COL4A4: variants seen among roughly 807,000 people sequenced by gnomAD.
The protein encoded by COL4A4 is collagen type IV alpha 4 chain, also known as collagen alpha-4(IV) chain.
In COL4A4, 105 loss-of-function variants were observed where a neutral mutation model predicts 192.9. The observed-to-expected ratio is 0.54, with a 90% confidence interval of 0.46 to 0.64. The LOEUF is 0.64. Ranked by LOEUF, COL4A4 falls within the 30% of genes least tolerant of loss-of-function variation. COL4A4 has a pLI of 0.00. For synonymous variants in COL4A4, 762 were observed against 769.9 expected, an observed-to-expected ratio of 0.99 and a Z score of 0.17; for missense variants, 1,967 against 2,169.3, an observed-to-expected ratio of 0.91 and a Z score of 1.85.
At chr2:227,034,775 T>C (rs1408879764) in intron 37 of COL4A4, among the ~76,000 whole-genome samples, 2 of 133,308 alleles carry the variant, frequency 1.5e-5, no homozygotes, top group African/African-American at 5.6e-5. Context: ...GTCCATGTGT[T>C]CTCATTGTTC....
chr2:226,974,245 A>ATTTTATTTTG, the COL4A4 span, among the ~76,000 whole-genome samples: 1 of 151,146 alleles, frequency 6.6e-6, no homozygotes, highest in African/African-American at 2.4e-5. Context: ...ATTTTATTTT[A>ATTTTATTTTG]TTTTATTTTT....
intron 4 of COL4A4, among the ~76,000 whole-genome samples, chr2:227,125,238 C>T (rs933391779): frequency 5.3e-5 from 8 of 151,634 alleles, no homozygotes; most frequent in Middle Eastern, 3.4e-3. Flanking sequence ...GATGGAGTCT[C>T]GCTCTTTCTC....
chr2:227,078,824 C>T (rs1047629191), intron 24 of COL4A4, among the ~76,000 whole-genome samples: 3 of 152,204 alleles, frequency 2.0e-5, no homozygotes, highest in African/African-American at 7.2e-5. Flanking sequence ...TCTCCTCTTG[C>T]ATGACAATTT....
intron 28 of COL4A4, among the ~76,000 whole-genome samples, chr2:227,058,195 T>C (rs1052879143): frequency 5.9e-5 from 9 of 152,220 alleles, no homozygotes; most frequent in African/African-American, 2.2e-4. Flanking sequence ...GTTTTCCAGT[T>C]TGTTGCAGTC....
intron 26 of COL4A4, among the ~76,000 whole-genome samples, chr2:227,062,278 G>A (rs1430573461): frequency 3.3e-5 from 5 of 151,616 alleles, no homozygotes; most frequent in Non-Finnish European, 5.9e-5. Flanking sequence ...CATTTTAACT[G>A]ATATGTGAGC....
In COL4A4 at chr2:227,004,915, A is replaced by G. The variant is rs1961763714; in HGVS notation, c.*2410T>C. Reference sequence around the variant, plus strand: ...ATCATCTCCAATAATGGGTTAGGAGAACAACTTAAAAGCTTTGTTCATCAC... The same window carrying G: ...ATCATCTCCAATAATGGGTTAGGAGGACAACTTAAAAGCTTTGTTCATCAC... On this transcript the variant is annotated 3_prime_UTR_variant, in exon 48 of 48. Transcript: ENST00000396625. The G allele has an allele frequency of 6.6e-6, 1 of 152,018 alleles. No individual in the cohort carries two copies. Among genetic ancestry groups the G allele is most frequent in the Non-Finnish European group, 1.5e-5 (1 of 68,050 alleles). The allele number at this position is 152,018 out of a possible 1,614,324, so 9.4% of individuals were successfully genotyped here. A position where few individuals can be genotyped will look rare whatever the true frequency, so the allele number is the denominator to read the frequency against.
In COL4A4 at chr2:227,050,441, T is replaced by C. The variant is rs73076283; in HGVS notation, c.3151-310A>G. Among the ~76,000 whole-genome samples, 3,701 of 152,332 alleles carry C rather than the reference T, an allele frequency of 0.024. 130 individuals are homozygous for C. Among genetic ancestry groups the C allele is most frequent in the African/African-American group, 0.084 (3,482 of 41,556 alleles). Reference sequence around the variant, plus strand: ...ATAAACAAGTTGATACTAAATAAAATAGTATTATAAATCACAGCATATGAA... The same window carrying C: ...ATAAACAAGTTGATACTAAATAAAACAGTATTATAAATCACAGCATATGAA... On this transcript the variant is annotated intron_variant, in intron 33 of 47. Coordinates refer to ENST00000396625, the MANE Select transcript of COL4A4 (RefSeq NM_000092.5).
chr2:227,099,737 C>T (rs766937216), intron 17 of COL4A4, 48 bp from the exon 18 acceptor site: 29 of 1,529,984 alleles, frequency 1.9e-5, no homozygotes, highest in South Asian at 5.7e-5. Flanking sequence ...TAATTTTACT[C>T]ATGTTGCCTG....
At chr2:227,001,793 CA>C (rs1961021243), downstream of COL4A4, among the ~76,000 whole-genome samples, 1 of 151,136 alleles carries the variant, frequency 6.6e-6, no homozygotes. Flanking sequence ...AGTAGACGGT[CA>C]GGGAATGTTT....
At position 227,135,643 on chromosome 2, in the gene COL4A4, AT is replaced by A. The variant is rs34094564; in HGVS notation, c.192+4517del. Among the ~76,000 whole-genome samples the A allele has an allele frequency of 1.1e-3, 169 of 148,054 alleles. 2 individuals are homozygous for A. In the South Asian group the frequency reaches 0.013, roughly 12 times the overall value. ...CCAAATCCTGTCCAGGCTGGAATCT[AT>A]TTTTTTTTTTCTTTTGAGACAGAGT... On this transcript the variant is annotated intron_variant, in intron 4 of 47. Transcript: ENST00000396625.
Position 227,080,433 on chromosome 2 carries a change from T to G in COL4A4, c.1803+10A>C. 1 of 1,606,892 alleles carries G rather than the reference T, an allele frequency of 6.2e-7. No homozygotes were observed. The highest frequency in any genetic ancestry group is 8.5e-7 in the Non-Finnish European group (1 of 1,173,428). ...GTGAAATTCTATAGCAAGAGAAGAA[T>G]TCTACATACTGGAGGTCCTGGATCC... On this transcript the variant is annotated intron_variant, in intron 24 of 47. Transcript: ENST00000396625.
chr2:227,107,065 G>A (rs1381411439), intron 12 of COL4A4, among the ~76,000 whole-genome samples: 4 of 152,154 alleles, frequency 2.6e-5, no homozygotes, highest in East Asian at 1.9e-4. Context: ...AATGGCACAC[G>A]GGCTCCTGTG....
At chr2:227,094,466 G>T (rs1257178817) in intron 19 of COL4A4, among the ~76,000 whole-genome samples, 177 bp from the exon 20 acceptor site, 2 of 152,138 alleles carry the variant, frequency 1.3e-5, no homozygotes, top group Non-Finnish European at 1.5e-5. Context: ...AATACTGCAT[G>T]ATCTCACTTA....
chr2:227,083,866 T>TG (rs2059447126), intron 22 of COL4A4, among the ~76,000 whole-genome samples: 1 of 152,136 alleles, frequency 6.6e-6, no homozygotes, highest in South Asian at 2.1e-4. Flanking sequence ...CCAGTGGAGA[T>TG]GGGCACAGTG....
Position 227,051,026 on chromosome 2 carries a change from G to A in COL4A4, c.3101C>T (p.Ser1034Leu). Residue 1034 changes from serine (S) to leucine (L), a missense_variant, in exon 33 of 48, where the codon TCA becomes TTA. Coordinates refer to ENST00000396625, the MANE Select transcript of COL4A4 (RefSeq NM_000092.5). ...GPPGPPGPPG[S>L]TGLRGFIGFP... Reference sequence around the variant, plus strand: ...ACCAATGAACCCTCTTAGACCAGTTGAGCCTGGAGGGCCTGGGGGTCCAGG... The same window carrying A: ...ACCAATGAACCCTCTTAGACCAGTTAAGCCTGGAGGGCCTGGGGGTCCAGG... The A allele has an allele frequency of 1.2e-6, 2 of 1,614,212 alleles. No individual in the cohort carries two copies. Among genetic ancestry groups the A allele is most frequent in the Non-Finnish European group, 1.7e-6 (2 of 1,180,034 alleles).
rs1575717287 is a variant in COL4A4, at chr2:227,010,600, G to T, written c.4334-99C>A. On this transcript the variant is annotated intron_variant, in intron 45 of 47. Coordinates refer to ENST00000396625, the MANE Select transcript of COL4A4 (RefSeq NM_000092.5). ...TCTGGCACTGTGCTAAGCACTCAGG[G>T]AGCAGAGGGGAGCATGACTCAGCCC... 6 of 942,406 alleles carry T rather than the reference G, an allele frequency of 6.4e-6. No homozygotes were observed. In the East Asian group the frequency reaches 1.3e-4, roughly 21 times the overall value. The allele number at this position is 942,406 out of a possible 1,614,324, so 58.4% of individuals were successfully genotyped here.
chr2:226,992,756 G>T, the COL4A4 span, among the ~76,000 whole-genome samples: 1 of 152,206 alleles, frequency 6.6e-6, no homozygotes, highest in South Asian at 2.1e-4. Flanking sequence ...GGCGGGAATG[G>T]TGAGAGGTGC....
At chr2:227,011,831 C>G (rs148284042) in intron 45 of COL4A4, among the ~76,000 whole-genome samples, 1 of 152,288 alleles carries the variant, frequency 6.6e-6, no homozygotes, top group East Asian at 1.9e-4. Context: ...TTCATCACAG[C>G]CTCTTAAGGG....
At chr2:227,150,581 A>T (rs2063862492) in intron 1 of COL4A4, among the ~76,000 whole-genome samples, 1 of 152,160 alleles carries the variant, frequency 6.6e-6, no homozygotes. Context: ...AATACCTGAG[A>T]CTGGGTAATT....
Sources: allele counts gnomAD v4.1 joint callset (sites outside exome capture counted in the v4.1 genomes callset), GRCh38; gene constraint gnomAD v4.1.1; transcripts MANE v1.5; gene names NCBI Gene and HGNC (gene_info 2026-07-23, HGNC 2026-07-21).